The following PPP3CA variants were observed in gnomAD, a reference collection of about 807,000 sequenced individuals.
The protein encoded by PPP3CA is CAM-PRP catalytic subunit.
A neutral mutation model predicts 66.5 loss-of-function variants in PPP3CA; 14 were observed. The observed-to-expected ratio is 0.21, with a 90% CI of 0.14 to 0.33. The LOEUF is 0.33. PPP3CA is among the 10% of genes least tolerant of loss of function. PPP3CA has a pLI of 1.00. For missense variants in PPP3CA, 317 were observed against 639.5 expected (o/e 0.50, Z 5.44); for synonymous variants, 232 against 226.2 (o/e 1.03, Z -0.23).
At chr4:101,328,273 C>T (rs569182756) in intron 1 of PPP3CA, among the ~76,000 whole-genome samples, 2 of 152,314 alleles carry the variant, frequency 1.3e-5, no homozygotes, top group South Asian at 4.1e-4. Flanking sequence ...AAACAACTGT[C>T]TCCAATCACC....
intron 2 of PPP3CA, among the ~76,000 whole-genome samples, chr4:101,145,909 T>C (rs1722954215): frequency 1.3e-5 from 2 of 152,184 alleles, no homozygotes; most frequent in Admixed American, 6.5e-5. Context: ...TCATAACCTA[T>C]GAGCTTAAAA....
intron 1 of PPP3CA, among the ~76,000 whole-genome samples, chr4:101,226,468 A>G (rs1725786148): frequency 6.6e-6 from 1 of 151,766 alleles, no homozygotes; most frequent in Non-Finnish European, 1.5e-5. Flanking sequence ...GACTACTGAT[A>G]CATAAAAAAG....
chr4:101,103,857 T>C (rs1030766908), intron 3 of PPP3CA, among the ~76,000 whole-genome samples: 9 of 152,346 alleles, frequency 5.9e-5, no homozygotes, highest in South Asian at 2.1e-4. Flanking sequence ...TATACACATA[T>C]GCTTGATCAA....
chr4:101,198,048 T>C (rs1021170173), intron 1 of PPP3CA, among the ~76,000 whole-genome samples: 1 of 152,186 alleles, frequency 6.6e-6, no homozygotes, highest in Non-Finnish European at 1.5e-5. Flanking sequence ...GAGTAGCTTA[T>C]AGTACAATAG....
chr4:101,032,039 TGAATGAGG>T (rs1726990117), intron 12 of PPP3CA, among the ~76,000 whole-genome samples: 2 of 152,072 alleles, frequency 1.3e-5, no homozygotes, highest in African/African-American at 2.4e-5. Context: ...GATTAACATG[TGAATGAGG>T]GAATGGGGGA....
chr4:101,230,519 C>CAAAT (rs916980128), intron 1 of PPP3CA, among the ~76,000 whole-genome samples: 3 of 151,326 alleles, frequency 2.0e-5, no homozygotes, highest in African/African-American at 7.3e-5. Flanking sequence ...AGACCCGTTT[C>CAAAT]AAATAAATAA....
chr4:101,317,893 C>T (rs894666951), intron 1 of PPP3CA, among the ~76,000 whole-genome samples: 2 of 152,186 alleles, frequency 1.3e-5, no homozygotes, highest in African/African-American at 2.4e-5. Context: ...GTCCCTTCTT[C>T]TGTAAACTGG....
At chr4:101,206,229 C>A (rs1725126617) in intron 1 of PPP3CA, among the ~76,000 whole-genome samples, 1 of 152,184 alleles carries the variant, frequency 6.6e-6, no homozygotes, top group Admixed American at 6.5e-5. Context: ...AATGTTCACT[C>A]CCCAAATCAT....
chr4:101,345,671 C>G (rs1318615207), intron 1 of PPP3CA, among the ~76,000 whole-genome samples: 2 of 152,162 alleles, frequency 1.3e-5, no homozygotes, highest in African/African-American at 4.8e-5. Context: ...CCTAGGAATA[C>G]AAGGAGGCCG....
chr4:101,218,403 C>T (rs1052138093), intron 1 of PPP3CA, among the ~76,000 whole-genome samples: 1 of 152,132 alleles, frequency 6.6e-6, no homozygotes, highest in African/African-American at 2.4e-5. Flanking sequence ...TGAATTTTAG[C>T]ATTAAATAAC....
chr4:101,210,062 C>T (rs1191086713), intron 1 of PPP3CA, among the ~76,000 whole-genome samples: 1 of 152,014 alleles, frequency 6.6e-6, no homozygotes, highest in African/African-American at 2.4e-5. Flanking sequence ...GAAGAAAGGC[C>T]ATAATTTAAT....
intron 1 of PPP3CA, among the ~76,000 whole-genome samples, chr4:101,332,291 TG>T (rs900634256): frequency 6.6e-6 from 1 of 152,160 alleles, no homozygotes; most frequent in African/African-American, 2.4e-5. Context: ...ATCCTGTAAG[TG>T]TAAGGACATG....
intron 1 of PPP3CA, among the ~76,000 whole-genome samples, chr4:101,293,651 T>C (rs1439811626): frequency 6.6e-6 from 1 of 152,224 alleles, no homozygotes; most frequent in African/African-American, 2.4e-5. Flanking sequence ...CCCACCTGCA[T>C]GTCTTCTAGT....
chr4:101,204,763 T>C (rs1725079690), intron 1 of PPP3CA, among the ~76,000 whole-genome samples: 2 of 151,784 alleles, frequency 1.3e-5, no homozygotes, highest in African/African-American at 2.4e-5. Context: ...GATTTTGAAA[T>C]ATATGCTACT....
intron 10 of PPP3CA, among the ~76,000 whole-genome samples, chr4:101,042,156 T>TAGA (rs1383659216): frequency 2.7e-5 from 4 of 146,310 alleles, no homozygotes; most frequent in African/African-American, 7.7e-5. Flanking sequence ...TTGAAATGGC[T>TAGA]AGAAAAAAGG....
intron 1 of PPP3CA, among the ~76,000 whole-genome samples, chr4:101,223,505 T>C (rs1420139564): frequency 6.6e-6 from 1 of 151,816 alleles, no homozygotes; most frequent in Non-Finnish European, 1.5e-5. Flanking sequence ...TGACTCTTAA[T>C]TTAGTTCTCT....
At chr4:101,267,832 T>A (rs1056990750) in intron 1 of PPP3CA, among the ~76,000 whole-genome samples, 5 of 152,182 alleles carry the variant, frequency 3.3e-5, no homozygotes, top group African/African-American at 1.2e-4. Flanking sequence ...CAATATTTAC[T>A]CCACTATTAA....
chr4:101,053,647 T>C (rs950290800), intron 10 of PPP3CA, among the ~76,000 whole-genome samples: 1 of 152,100 alleles, frequency 6.6e-6, no homozygotes, highest in Admixed American at 6.6e-5. Context: ...GAATTACACG[T>C]CAGTTTTACT....
intron 1 of PPP3CA, among the ~76,000 whole-genome samples, chr4:101,312,352 T>C (rs2110312050): frequency 6.6e-6 from 1 of 152,224 alleles, no homozygotes; most frequent in Admixed American, 6.5e-5. Context: ...GAAAACTGTC[T>C]GTATATAAAT....
Sources: allele counts gnomAD v4.1 joint callset (sites outside exome capture counted in the v4.1 genomes callset), GRCh38; gene constraint gnomAD v4.1.1; transcripts MANE v1.5; gene names NCBI Gene and HGNC (gene_info 2026-07-23, HGNC 2026-07-21).